Variants in TAFA1 observed in about 807,000 individuals in gnomAD.
TAFA1 encodes TAFA chemokine like family member 1.
Under a neutral mutation model 18.5 loss-of-function variants are expected in TAFA1, and 4 were observed. The ratio of observed to expected loss-of-function variants is 0.22; its 90% CI spans 0.11 to 0.49. The LOEUF (loss-of-function observed/expected upper bound fraction) is 0.49, where lower values mean the gene tolerates loss of function less well. Among genes scored for constraint, TAFA1 ranks in the 20% least tolerant of loss-of-function variants. TAFA1 has a pLI of 0.98. For synonymous variants in TAFA1, 56 were observed against 55.2 expected (o/e 1.01, Z -0.06); for missense variants, 147 against 169.0 (o/e 0.87, Z 0.72).
At chr3:68,024,285 T>A (rs996944265) in intron 2 of TAFA1, among the ~76,000 whole-genome samples, 1 of 152,122 alleles carries the variant, frequency 6.6e-6, no homozygotes, top group African/African-American at 2.4e-5. Flanking sequence ...TAAGGGTGGA[T>A]GCTGGCTTTG....
At chr3:68,385,422 C>T (rs1470884102) in intron 2 of TAFA1, among the ~76,000 whole-genome samples, 2 of 152,078 alleles carry the variant, frequency 1.3e-5, no homozygotes, top group Non-Finnish European at 2.9e-5. Flanking sequence ...AACAAGACTT[C>T]AAAACCTGAA....
chr3:68,080,369 G>A (rs144859293), intron 2 of TAFA1, among the ~76,000 whole-genome samples: 5,950 of 151,194 alleles, frequency 0.039, 168 homozygotes, highest in East Asian at 0.1. Context: ...AGGTTAGCTG[G>A]TTATTTTGCT....
At position 68,204,201 on chromosome 3, in the gene TAFA1, C is replaced by T. The variant is rs1053052998; in HGVS notation, c.118+197457C>T. Among the ~76,000 whole-genome samples the T allele has an allele frequency of 3.3e-5, 5 of 151,808 alleles. No homozygotes were observed. In the South Asian group the frequency reaches 6.2e-4, roughly 19 times the overall value. ...AAAATTAGTTTGTGATTTTTCCATT[C>T]GTTGAGCTTTTTACTTGTTGTTTGG... is the stretch of plus-strand genomic sequence containing the variant. On this transcript the variant is annotated intron_variant, in intron 2 of 4. Transcript: ENST00000478136.
chr3:68,454,340 C>A (rs1314264381), intron 3 of TAFA1, among the ~76,000 whole-genome samples: 1 of 152,146 alleles, frequency 6.6e-6, no homozygotes, highest in Non-Finnish European at 1.5e-5. Context: ...TGTCCCCAAC[C>A]TATTCCCCAG....
At chr3:68,164,533 C>A (rs1212576641) in intron 2 of TAFA1, among the ~76,000 whole-genome samples, 1 of 151,910 alleles carries the variant, frequency 6.6e-6, no homozygotes, top group East Asian at 1.9e-4. Flanking sequence ...AGAATCTTTT[C>A]TTTTTCATTG....
At chr3:68,047,807 C>A (rs1225970023) in intron 2 of TAFA1, among the ~76,000 whole-genome samples, 5 of 152,102 alleles carry the variant, frequency 3.3e-5, no homozygotes, top group African/African-American at 1.2e-4. Context: ...ATTACTTTTG[C>A]ACCAACCTAA....
intron 2 of TAFA1, among the ~76,000 whole-genome samples, chr3:68,349,699 C>A (rs1359403045): frequency 6.6e-6 from 1 of 152,044 alleles, no homozygotes; most frequent in African/African-American, 2.4e-5. Flanking sequence ...CAACCATAAG[C>A]AATATGCAAA....
At chr3:68,375,220 G>A (rs2069786502) in intron 2 of TAFA1, among the ~76,000 whole-genome samples, 2 of 152,032 alleles carry the variant, frequency 1.3e-5, no homozygotes, top group African/African-American at 4.8e-5. Context: ...AAAGGCAAGA[G>A]CTTGCTTTTG....
chr3:68,175,545 C>T (rs2066112669), intron 2 of TAFA1, among the ~76,000 whole-genome samples: 1 of 152,154 alleles, frequency 6.6e-6, no homozygotes, highest in African/African-American at 2.4e-5. Flanking sequence ...CCCTGCTGGA[C>T]TTTGTGCTTG....
Position 68,207,673 on chromosome 3 carries a change from A to T in TAFA1, c.118+200929A>T, listed in dbSNP as rs146780500. ...GTTTGTTGTCAACAATTTTACAGCA[A>T]TAAAAATTTCATTAAAATATCTATT... On this transcript the variant is annotated intron_variant, in intron 2 of 4. Coordinates refer to ENST00000478136, the MANE Select transcript of TAFA1 (RefSeq NM_213609.4). Among the ~76,000 whole-genome samples the T allele has an allele frequency of 3.1e-3, 474 of 152,142 alleles. 2 individuals carry two copies. Among genetic ancestry groups the T allele is most frequent in the African/African-American group, 0.01 (428 of 41,570 alleles).
intron 2 of TAFA1, among the ~76,000 whole-genome samples, chr3:68,072,778 C>A (rs913984048): frequency 6.6e-6 from 1 of 151,848 alleles, no homozygotes; most frequent in Non-Finnish European, 1.5e-5. Context: ...CAGAGGGATG[C>A]CTACTGGCAG....
chr3:68,180,825 CCT>C (rs1464277663), intron 2 of TAFA1, among the ~76,000 whole-genome samples: 2 of 152,056 alleles, frequency 1.3e-5, no homozygotes, highest in African/African-American at 4.8e-5. Flanking sequence ...TTCTGTATCC[CCT>C]CTCTCTCTGT....
intron 3 of TAFA1, among the ~76,000 whole-genome samples, chr3:68,471,603 C>T (rs910007684): frequency 2.6e-5 from 4 of 152,174 alleles, no homozygotes; most frequent in African/African-American, 9.7e-5. Context: ...GGCCAGAAGA[C>T]TTAGCCAGTC....
chr3:68,071,610 G>A (rs368586873), intron 2 of TAFA1, among the ~76,000 whole-genome samples: 328 of 152,282 alleles, frequency 2.2e-3, no homozygotes, highest in African/African-American at 7.6e-3. Context: ...TGCTAGTTGT[G>A]CCACTTAGCA....
At chr3:68,280,304 CA>C (rs2067875536) in intron 2 of TAFA1, among the ~76,000 whole-genome samples, 1 of 152,176 alleles carries the variant, frequency 6.6e-6, no homozygotes, top group Non-Finnish European at 1.5e-5. Flanking sequence ...CTGCTCACCA[CA>C]ACTCATTCTT....
At chr3:68,233,344 T>C (rs1244923963) in intron 2 of TAFA1, among the ~76,000 whole-genome samples, 2 of 152,226 alleles carry the variant, frequency 1.3e-5, no homozygotes, top group African/African-American at 4.8e-5. Context: ...GTACAAAAGC[T>C]TTTTAGTCTA....
At chr3:68,053,722 G>C (rs1281141259) in intron 2 of TAFA1, among the ~76,000 whole-genome samples, 4 of 151,998 alleles carry the variant, frequency 2.6e-5, no homozygotes, top group Non-Finnish European at 4.4e-5. Flanking sequence ...TTATTTTTTA[G>C]AGATAGGGTC....
At chr3:68,217,426 A>T (rs2066673166) in intron 2 of TAFA1, among the ~76,000 whole-genome samples, 9 of 152,076 alleles carry the variant, frequency 5.9e-5, no homozygotes, top group Admixed American at 5.9e-4. Flanking sequence ...AACAAGAAAA[A>T]GTTTGAGAAA....
chr3:68,316,980 A>AT (rs1261241716), intron 2 of TAFA1, among the ~76,000 whole-genome samples: 5 of 152,264 alleles, frequency 3.3e-5, no homozygotes, highest in Admixed American at 6.5e-5. Context: ...GCATTCATTC[A>AT]TTTTTTTGAT....
Sources: gnomAD v4.1 joint callset for allele counts (sites outside exome capture counted in the v4.1 genomes callset) on GRCh38, gnomAD v4.1.1 for gene constraint, MANE v1.5 for transcripts, NCBI Gene and HGNC (gene_info 2026-07-23, HGNC 2026-07-21) for gene names.